DNAH2: variants seen among roughly 807,000 people sequenced by gnomAD.
DNAH2 encodes the protein axonemal beta dynein heavy chain 2.
Under a neutral mutation model 523.5 loss-of-function variants are expected in DNAH2, and 323 were observed. The observed-to-expected ratio is 0.62, with a 90% CI of 0.56 to 0.68. The LOEUF is 0.68. Among genes scored for constraint, DNAH2 ranks in the 30% least tolerant of loss-of-function variants. DNAH2 has a pLI of 0.00. For missense variants in DNAH2, 4,907 were observed against 5,701.5 expected, an observed-to-expected ratio of 0.86 and a Z score of 4.49; for synonymous variants, 2,093 against 2,177.4, an observed-to-expected ratio of 0.96 and a Z score of 1.08.
chr17:7,721,656 G>GT (rs1159093256), intron 2 of DNAH2, among the ~76,000 whole-genome samples: 1 of 152,232 alleles, frequency 6.6e-6, no homozygotes, highest in Admixed American at 6.5e-5. Context: ...GCCAGAGGGA[G>GT]TTTCCTGTTC....
chr17:7,807,463 C>T lies in DNAH2; in HGVS notation c.9613-7C>T. ...GCGACTCCCACAGCCTGACTGTCTC[C>T]CCACAGCTGTATGGGCGGCTATATC... On this transcript the variant is annotated splice_polypyrimidine_tract_variant and splice_region_variant and intron_variant, in intron 62 of 85. Transcript: ENST00000572933. This position sits in a 1 kb window ranked among gnomAD's most constrained non-coding sequence, Gnocchi z 5.6. 1 of 1,613,098 alleles carries T rather than the reference C, an allele frequency of 6.2e-7. No individual in the cohort carries two copies. Among genetic ancestry groups the T allele is most frequent in the Non-Finnish European group, 8.5e-7 (1 of 1,179,920 alleles).
At chr17:7,742,864 GAGATGGT>G in intron 11 of DNAH2, 57 bp from the exon 12 acceptor site, 4 of 1,190,296 alleles carry the variant, frequency 3.4e-6, no homozygotes, top group South Asian at 3.1e-5. Flanking sequence ...AGGTCTCAGG[GAGATGGT>G]GGCCCCTGGA....
chr17:7,816,853 C>G (rs2077683827), intron 64 of DNAH2, 118 bp downstream of exon 64: 2 of 1,327,026 alleles, frequency 1.5e-6, no homozygotes, highest in South Asian at 1.5e-5. Context: ...ATAGGGAACT[C>G]TAAGAACTGA....
intron 31 of DNAH2, 67 bp from the exon 32 acceptor site, chr17:7,776,712 C>A: frequency 7.7e-7 from 1 of 1,303,000 alleles, no homozygotes; most frequent in Non-Finnish European, 1.1e-6. Flanking sequence ...TTAGCTGGGA[C>A]TTGGGAGCTG....
intron 72 of DNAH2, 88 bp downstream of exon 72, chr17:7,819,496 G>A (rs1251566873): frequency 4.2e-6 from 6 of 1,417,942 alleles, no homozygotes; most frequent in African/African-American, 2.8e-5. Context: ...TTCCCGCACC[G>A]CGGCTCTCAG....
Position 7,831,552 on chromosome 17 carries a change from G to C in DNAH2, c.12611+11G>C. The C allele has an allele frequency of 1.9e-6, 3 of 1,614,122 alleles. No individual in the cohort carries two copies. Among genetic ancestry groups the C allele is most frequent in the Non-Finnish European group, 2.5e-6 (3 of 1,179,976 alleles). Reference sequence around the variant, plus strand: ...GATGCAGACCATCCTGTAAGACAGAGGGGGACTCTGCGGAACAGGGGAGGG... The same window carrying C: ...GATGCAGACCATCCTGTAAGACAGACGGGGACTCTGCGGAACAGGGGAGGG... On this transcript the variant is annotated intron_variant, in intron 81 of 85. Transcript: ENST00000572933. This position sits in a 1 kb window ranked among gnomAD's most constrained non-coding sequence, Gnocchi z 4.2.
At chr17:7,816,876 C>G (rs1294994123) in intron 64 of DNAH2, 141 bp downstream of exon 64, 1 of 1,070,166 alleles carries the variant, frequency 9.3e-7, no homozygotes, top group East Asian at 2.6e-5. Flanking sequence ...CGTGGGAGCT[C>G]TTCCCCTCCC....
intron 8 of DNAH2, among the ~76,000 whole-genome samples, chr17:7,739,204 G>A (rs1288102560): frequency 1.3e-5 from 2 of 152,262 alleles, no homozygotes; most frequent in Admixed American, 6.5e-5. Flanking sequence ...TCAGCAGTTC[G>A]AGACCAGCCT....
Position 7,765,670 on chromosome 17 carries a change from T to C in DNAH2, c.3511+105T>C, listed in dbSNP as rs377725806. The C allele has an allele frequency of 6.7e-4, 920 of 1,367,408 alleles. 10 individuals carry two copies. The highest frequency in any genetic ancestry group is 1.5e-3 in the Middle Eastern group (8 of 5,314). The allele number at this position is 1,367,408 out of a possible 1,614,324, so 84.7% of individuals were successfully genotyped here. ...GAGAACTGGGAGGGGAGGAGGAGGGTCGGTGCTGGGGTGGGGGAAGAGCCT... is the reference window on the plus strand; with the variant it reads ...GAGAACTGGGAGGGGAGGAGGAGGGCCGGTGCTGGGGTGGGGGAAGAGCCT... On this transcript the variant is annotated intron_variant, in intron 21 of 85. Coordinates refer to ENST00000572933, the MANE Select transcript of DNAH2 (RefSeq NM_020877.5).
Position 7,777,405 on chromosome 17 carries a change from A to T in DNAH2, c.5059-41A>T, listed in dbSNP as rs1484911520. ...CAAGGGTTGATCAGGCTTTGGCGGC[A>T]TTGCTCTGTCTGCTCTCTTCCCTGC... On this transcript the variant is annotated intron_variant, in intron 32 of 85. Coordinates refer to ENST00000572933, the MANE Select transcript of DNAH2 (RefSeq NM_020877.5). 1.9e-6 allele frequency: 3 copies of T among 1,610,914 alleles called. No individual in the cohort carries two copies. In the African/African-American group the frequency reaches 4.0e-5, roughly 22 times the overall value.
At chr17:7,781,511 T>TC (rs1293004084) in intron 39 of DNAH2, among the ~76,000 whole-genome samples, 1 of 152,120 alleles carries the variant, frequency 6.6e-6, no homozygotes, top group Non-Finnish European at 1.5e-5. Context: ...AACCGCACTC[T>TC]CCCTGACCAC....
intron 68 of DNAH2, 60 bp from the exon 69 acceptor site, chr17:7,818,252 G>A: frequency 1.9e-6 from 3 of 1,604,608 alleles, no homozygotes; most frequent in South Asian, 1.1e-5. Context: ...GCCGGTGGGG[G>A]ATGGGTTAGC....
At chr17:7,727,403 C>G (rs1479372741) in intron 4 of DNAH2, 111 bp downstream of exon 4, 4 of 1,390,384 alleles carry the variant, frequency 2.9e-6, no homozygotes, top group Non-Finnish European at 3.9e-6. Flanking sequence ...GCCTATTGAG[C>G]CCCACTGTGT....
chr17:7,740,692 C>T, intron 10 of DNAH2, 118 bp from the exon 11 acceptor site: 2 of 1,529,336 alleles, frequency 1.3e-6, no homozygotes, highest in Non-Finnish European at 1.8e-6. Context: ...TGTTCCCTGG[C>T]TTCGGCGTCC....
chr17:7,797,440 G>A lies in DNAH2; in HGVS notation c.7990G>A (p.Ala2664Thr). The A allele has an allele frequency of 1.9e-6, 3 of 1,614,192 alleles. No individual in the cohort carries two copies. The highest frequency in any genetic ancestry group is 8.5e-7 in the Non-Finnish European group (1 of 1,180,050). ...GCTGGTTGATGCGGCAGACACAGAAGCCTTCATGGGCATCATAAGCGACAA... is the reference window on the plus strand; with the variant it reads ...GCTGGTTGATGCGGCAGACACAGAAACCTTCATGGGCATCATAAGCGACAA... Reference protein sequence around the residue: ...DRLVDAADTEAFMGIISDKLG... With the variant: ...DRLVDAADTETFMGIISDKLG... Residue 2664 changes from alanine (A) to threonine (T), a missense_variant, in exon 52 of 86, where the codon GCC becomes ACC. Transcript: ENST00000572933.
Position 7,786,295 on chromosome 17 carries a change from C to G in DNAH2, c.6301C>G (p.Leu2101Val). 1 of 1,613,910 alleles carries G rather than the reference C, an allele frequency of 6.2e-7. No individual in the cohort carries two copies. The change falls in exon 40 of 86, where the codon CTG becomes GTG. Residue 2101 changes from leucine to valine, a missense_variant. Coordinates refer to ENST00000572933, the MANE Select transcript of DNAH2 (RefSeq NM_020877.5). The surrounding 1 kb of genome is among the most constrained non-coding windows in gnomAD (Gnocchi z 7.5). ...TASWRILQAS[L>V]SSLCRAGDPN... Reference sequence around the variant, plus strand: ...CTCATGGCGCATTCTACAGGCCTCCCTGTCCTCTCTGTGCCGCGCCGGAGA... The same window carrying G: ...CTCATGGCGCATTCTACAGGCCTCCGTGTCCTCTCTGTGCCGCGCCGGAGA...
intron 44 of DNAH2, among the ~76,000 whole-genome samples, chr17:7,789,364 C>T (rs914914260): frequency 1.3e-5 from 2 of 152,090 alleles, no homozygotes; most frequent in Non-Finnish European, 1.5e-5. Context: ...CAGGGCGGGC[C>T]GAGCTGGTGG....
intron 14 of DNAH2, 23 bp downstream of exon 14, chr17:7,758,674 T>C (rs750556191): frequency 1.5e-5 from 24 of 1,602,180 alleles, no homozygotes; most frequent in Non-Finnish European, 2.0e-5. Context: ...CCTTAGACCC[T>C]AAAGGTCTGC....
Position 7,758,953 on chromosome 17 carries a change from A to G in DNAH2, c.2277A>G (p.Ser759=). The G allele has an allele frequency of 1.2e-6, 2 of 1,614,216 alleles. No individual in the cohort carries two copies. The highest frequency in any genetic ancestry group is 1.7e-6 in the Non-Finnish European group (2 of 1,180,036). Residue 759 remains serine (S), a synonymous_variant, in exon 15 of 86, where the codon TCA becomes TCG. Coordinates refer to ENST00000572933, the MANE Select transcript of DNAH2 (RefSeq NM_020877.5). ...TTGGCTGGCGAGCCCAAGAGATGTC[A>G]GAGAAGCTGCTGGTACGCATTAGTG... ...LTIGWRAQEM[S]EKLLVRISGK...
Sources: gnomAD v4.1 joint callset for allele counts (sites outside exome capture counted in the v4.1 genomes callset) on GRCh38, gnomAD v4.1.1 for gene constraint, Gnocchi (gnomAD v3.1) non-coding constraint, MANE v1.5 for transcripts, NCBI Gene and HGNC (gene_info 2026-07-23, HGNC 2026-07-21) for gene names.